ACSL6: variants seen among roughly 807,000 people sequenced by gnomAD.
The protein encoded by ACSL6 is acyl-CoA synthetase long chain family member 6, also known as long-chain-fatty-acid--CoA ligase 6.
A neutral mutation model predicts 98.2 loss-of-function variants in ACSL6; 47 were observed. The observed-to-expected ratio is 0.48, with a 90% CI of 0.38 to 0.61. The LOEUF is 0.61. Ranked by LOEUF, ACSL6 falls within the 20% of genes least tolerant of loss-of-function variation. ACSL6 has a pLI of 0.00. For synonymous variants in ACSL6, 362 were observed against 336.9 expected (o/e 1.07, Z -0.82); for missense variants, 761 against 913.4 (o/e 0.83, Z 2.15).
Position 131,954,178 on chromosome 5 carries a change from A to G in ACSL6, c.*56T>C, listed in dbSNP as rs188715193. The G allele has an allele frequency of 1.1e-3, 1,597 of 1,482,080 alleles. 5 individuals carry two copies. Among genetic ancestry groups the G allele is most frequent in the Non-Finnish European group, 1.2e-3 (1,299 of 1,118,340 alleles). The allele number at this position is 1,482,080 out of a possible 1,614,324, so 91.8% of individuals were successfully genotyped here. On this transcript the variant is annotated 3_prime_UTR_variant, in exon 21 of 21. Coordinates refer to ENST00000651883, the MANE Select transcript of ACSL6 (RefSeq NM_001009185.3). ...GTCATTTTGACTCATTACTTTCAAG[A>G]ATAACTATAATATTGCTAGACAGTT... is the stretch of plus-strand genomic sequence containing the variant.
Position 131,990,852 on chromosome 5 carries a change from C to T in ACSL6, c.385+1G>A. 1 of 1,613,832 alleles carries T rather than the reference C, an allele frequency of 6.2e-7. No individual in the cohort carries two copies. Among genetic ancestry groups the T allele is most frequent in the Non-Finnish European group, 8.5e-7 (1 of 1,179,872 alleles). On this transcript the variant is annotated splice_donor_variant, in intron 3 of 20. Coordinates refer to ENST00000651883, the MANE Select transcript of ACSL6 (RefSeq NM_001009185.3). LOFTEE classifies it high-confidence loss of function. ...ACACCCCCCCCCACAACCCTTCTCA[C>T]CTGAGATGCTAAGCCCACGGCGGAA...
At chr5:132,009,630 G>A (rs991642342) in intron 1 of ACSL6, among the ~76,000 whole-genome samples, 1 of 152,140 alleles carries the variant, frequency 6.6e-6, no homozygotes, top group Admixed American at 6.5e-5. Context: ...GCCACTACCT[G>A]CCCCAAGAAT....
At position 131,971,569 on chromosome 5, in the gene ACSL6, C is replaced by T. The variant is rs779755365; in HGVS notation, c.1415G>A (p.Arg472Gln). Residue 472 changes from arginine to glutamine, a missense_variant, in exon 14 of 21, where the codon CGG (arginine) becomes CAG (glutamine). Transcript: ENST00000651883. ...PASPTVLGFL[R>Q]AALGCQVYEG... Reference sequence around the variant, plus strand: ...CAATACCTGGCACCCTAGAGCTGCCCGGAGAAATCCCAGAACTGTTGGTGA... The same window carrying T: ...CAATACCTGGCACCCTAGAGCTGCCTGGAGAAATCCCAGAACTGTTGGTGA... The T allele has an allele frequency of 5.6e-6, 9 of 1,610,304 alleles. No homozygotes were observed. The East Asian group carries it at 1.1e-4, about 20-fold the overall frequency.
At chr5:131,969,894 G>A (rs1753212349) in intron 15 of ACSL6, among the ~76,000 whole-genome samples, 1 of 152,094 alleles carries the variant, frequency 6.6e-6, no homozygotes, top group Non-Finnish European at 1.5e-5. Context: ...ACCAAATTTA[G>A]ACCAGATTCT....
At chr5:131,960,869 T>G in intron 18 of ACSL6, 1 of 343,014 alleles carries the variant, frequency 2.9e-6, no homozygotes. Flanking sequence ...ATATGCACCT[T>G]TGATTCTCAT....
At chr5:131,991,677 C>T (rs1434788260) in intron 2 of ACSL6, among the ~76,000 whole-genome samples, 7 of 152,092 alleles carry the variant, frequency 4.6e-5, no homozygotes, top group African/African-American at 7.2e-5. Flanking sequence ...CTCCTGCCTC[C>T]TCCCCTTCTA....
chr5:131,984,574 G>T (rs1325311707), intron 9 of ACSL6: 1 of 152,350 alleles, frequency 6.6e-6, no homozygotes, highest in African/African-American at 2.4e-5. Flanking sequence ...GAGCAAGCAG[G>T]CTTGGTGACA....
chr5:131,959,073 A>C (rs1174519760), intron 20 of ACSL6, among the ~76,000 whole-genome samples: 1 of 151,918 alleles, frequency 6.6e-6, no homozygotes, highest in Non-Finnish European at 1.5e-5. Context: ...GTCCTCTCCC[A>C]AAGCATTCTG....
chr5:132,011,981 C>A, upstream of ACSL6: 1 of 1,507,814 alleles, frequency 6.6e-7, no homozygotes, highest in Non-Finnish European at 8.9e-7. The surrounding 1 kb of genome is among the most constrained non-coding windows in gnomAD (Gnocchi z 5.4). Flanking sequence ...TGACATTGAG[C>A]CCACCCCGCC....
chr5:131,997,848 G>T (rs1198514534), intron 1 of ACSL6, among the ~76,000 whole-genome samples: 1 of 152,122 alleles, frequency 6.6e-6, no homozygotes, highest in Non-Finnish European at 1.5e-5. Context: ...GTTCTTTCAG[G>T]CTTATCGACC....
Position 131,989,685 on chromosome 5 carries a change from T to C in ACSL6, c.451-177A>G, listed in dbSNP as rs530041489. On this transcript the variant is annotated intron_variant, in intron 4 of 20. Transcript: ENST00000651883. ...ATCTCTGCTCACTGCAACCTCTGCCTCCCAGGTTCAAGCAATTCTCCTGTC... is the reference window on the plus strand; with the variant it reads ...ATCTCTGCTCACTGCAACCTCTGCCCCCCAGGTTCAAGCAATTCTCCTGTC... 7.8e-5 allele frequency among the ~76,000 whole-genome samples: 10 copies of C among 127,792 alleles called. No individual in the cohort carries two copies. In the South Asian group the frequency reaches 2.6e-3, roughly 33 times the overall value. 83.8% of individuals were successfully genotyped at this position (127,792 alleles called of 152,430 possible). A position where few individuals can be genotyped will look rare whatever the true frequency, so the allele number is the denominator to read the frequency against.
At chr5:132,012,199 G>T, upstream of ACSL6, 1 of 429,878 alleles carries the variant, frequency 2.3e-6, no homozygotes, top group South Asian at 5.3e-5. Context: ...CTGCAAACCA[G>T]TGAGGGGAGG....
In ACSL6 at chr5:131,975,217, G is replaced by C. The variant is rs1246917964; in HGVS notation, c.991-247C>G. ...GAGACAGGGCAGCATAGGAAGCGGA[G>C]TGTTAGGTCGCAGCGTCAGTGGGTC... On this transcript the variant is annotated intron_variant, in intron 10 of 20. Coordinates refer to ENST00000651883, the MANE Select transcript of ACSL6 (RefSeq NM_001009185.3). 4 of 1,364,964 alleles carry C rather than the reference G, an allele frequency of 2.9e-6. No individual in the cohort carries two copies. In the East Asian group the frequency reaches 1.1e-4, roughly 39 times the overall value. 84.6% of individuals were successfully genotyped at this position (1,364,964 alleles called of 1,614,324 possible). A position where few individuals can be genotyped will look rare whatever the true frequency, so the allele number is the denominator to read the frequency against.
At chr5:131,985,489 G>C in intron 8 of ACSL6, 31 bp from the exon 9 acceptor site, 1 of 1,612,652 alleles carries the variant, frequency 6.2e-7, no homozygotes, top group African/African-American at 1.3e-5. Flanking sequence ...GTGTGTTAGG[G>C]AGACCCAGTG....
At chr5:131,973,458 T>C in intron 11 of ACSL6, 58 bp from the exon 12 acceptor site, 1 of 1,556,258 alleles carries the variant, frequency 6.4e-7, no homozygotes, top group Non-Finnish European at 8.7e-7. Flanking sequence ...CTGGCGATAG[T>C]CCAAAGCTGT....
chr5:132,000,693 G>T (rs1191434658), intron 1 of ACSL6, among the ~76,000 whole-genome samples: 1 of 152,174 alleles, frequency 6.6e-6, no homozygotes, highest in South Asian at 2.1e-4. Flanking sequence ...GGCCACAGGA[G>T]CCAGCTTACT....
chr5:131,978,359 G>A (rs1753726965), intron 9 of ACSL6, among the ~76,000 whole-genome samples: 1 of 152,226 alleles, frequency 6.6e-6, no homozygotes, highest in Non-Finnish European at 1.5e-5. Context: ...AGCAGAGGGA[G>A]TTTTAGACGT....
chr5:131,967,903 A>G, intron 16 of ACSL6, 37 bp downstream of exon 16: 1 of 1,569,176 alleles, frequency 6.4e-7, no homozygotes, highest in Non-Finnish European at 8.8e-7. Flanking sequence ...CACTACATGT[A>G]GCAGCCACAG....
In ACSL6 at chr5:131,954,213, GAGA is replaced by G; in HGVS notation, c.*18_*20del. On this transcript the variant is annotated 3_prime_UTR_variant, in exon 21 of 21. Coordinates refer to ENST00000651883, the MANE Select transcript of ACSL6 (RefSeq NM_001009185.3). ...ATATTGCTAGACAGTTCATTACACTGAGAAGAACTTTCCTTGAACTTCACATGG... is the reference window on the plus strand; with the variant it reads ...ATATTGCTAGACAGTTCATTACACTGAGAACTTTCCTTGAACTTCACATGG... The G allele has an allele frequency of 1.2e-6, 2 of 1,603,996 alleles. No homozygotes were observed. Among genetic ancestry groups the G allele is most frequent in the Non-Finnish European group, 1.7e-6 (2 of 1,176,740 alleles).
Sources: allele counts gnomAD v4.1 joint callset (sites outside exome capture counted in the v4.1 genomes callset), GRCh38; gene constraint gnomAD v4.1.1; non-coding constraint Gnocchi (gnomAD v3.1); transcripts MANE v1.5; gene names NCBI Gene and HGNC (gene_info 2026-07-23, HGNC 2026-07-21).